Variants in AUTS2 observed in about 807,000 individuals in gnomAD.
The protein encoded by AUTS2 is activator of transcription and developmental regulator AUTS2.
A neutral mutation model predicts 112.4 loss-of-function variants in AUTS2; 17 were observed. The ratio of observed to expected loss-of-function variants is 0.15; its 90% CI spans 0.10 to 0.23. The LOEUF is 0.23. AUTS2 is among the 10% of genes least tolerant of loss of function. The probability of loss-of-function intolerance (pLI) is 1.00; values close to 1 mark genes in which losing one functional copy is unlikely to be tolerated. For synonymous variants in AUTS2, 751 were observed against 702.7 expected, an observed-to-expected ratio of 1.07 and a Z score of -1.09; for missense variants, 1,510 against 1,701.6, an observed-to-expected ratio of 0.89 and a Z score of 1.98.
chr7:69,908,528 G>T (rs1252251170), intron 2 of AUTS2, among the ~76,000 whole-genome samples: 1 of 152,182 alleles, frequency 6.6e-6, no homozygotes, highest in Admixed American at 6.5e-5. Flanking sequence ...CAAGTCCTGT[G>T]GGGGACCACC....
At chr7:70,300,603 T>G (rs1409511256) in intron 4 of AUTS2, among the ~76,000 whole-genome samples, 1 of 152,192 alleles carries the variant, frequency 6.6e-6, no homozygotes, top group Admixed American at 6.5e-5. Context: ...ACACATCTTT[T>G]TGAGAATTTT....
At chr7:70,489,010 G>A (rs1381828922) in intron 5 of AUTS2, among the ~76,000 whole-genome samples, 1 of 152,182 alleles carries the variant, frequency 6.6e-6, no homozygotes, top group East Asian at 1.9e-4. Flanking sequence ...TGACAGTCCT[G>A]TTCAGCAAAA....
chr7:70,435,909 G>A (rs1795875606), intron 5 of AUTS2, 128 bp downstream of exon 5: 1 of 957,830 alleles, frequency 1.0e-6, no homozygotes, highest in Non-Finnish European at 1.6e-6. Flanking sequence ...TAGGAAAGAT[G>A]GGCATTATTC....
chr7:70,240,281 C>T (rs1415682427), intron 4 of AUTS2, among the ~76,000 whole-genome samples: 1 of 152,182 alleles, frequency 6.6e-6, no homozygotes, highest in Non-Finnish European at 1.5e-5. Context: ...TGATGTCAGA[C>T]ACATCTGGTT....
intron 4 of AUTS2, among the ~76,000 whole-genome samples, chr7:70,234,319 T>A (rs1812207438): frequency 6.6e-6 from 1 of 152,196 alleles, no homozygotes; most frequent in Non-Finnish European, 1.5e-5. Flanking sequence ...AGAACTGGCG[T>A]TCATTGATTG....
At chr7:70,743,079 CAT>C (rs1788215639) in intron 6 of AUTS2, among the ~76,000 whole-genome samples, 1 of 152,186 alleles carries the variant, frequency 6.6e-6, no homozygotes, top group African/African-American at 2.4e-5. Context: ...AATCTAAACT[CAT>C]ATTATTTCAG....
chr7:70,781,803 T>C, intron 15 of AUTS2, 47 bp downstream of exon 15: 1 of 1,590,670 alleles, frequency 6.3e-7, no homozygotes, highest in Non-Finnish European at 8.6e-7. Context: ...AATGTAGTTC[T>C]CAGGTAACTA....
intron 15 of AUTS2, 51 bp downstream of exon 15, chr7:70,781,807 G>A: frequency 4.4e-6 from 7 of 1,586,490 alleles, no homozygotes; most frequent in Non-Finnish European, 6.0e-6. Flanking sequence ...TAGTTCTCAG[G>A]TAACTAAATA....
intron 4 of AUTS2, among the ~76,000 whole-genome samples, chr7:70,215,942 G>A (rs1358454978): frequency 6.6e-6 from 1 of 152,146 alleles, no homozygotes; most frequent in Admixed American, 6.5e-5. Context: ...TGTTTTGATT[G>A]TCATCTGCCG....
intron 4 of AUTS2, among the ~76,000 whole-genome samples, chr7:70,389,204 G>A (rs935631895): frequency 2.6e-5 from 4 of 152,100 alleles, no homozygotes; most frequent in Non-Finnish European, 5.9e-5. Flanking sequence ...GTGTGGTCCA[G>A]GTCCTAGATT....
chr7:69,647,629 T>A (rs532783018), intron 1 of AUTS2, among the ~76,000 whole-genome samples: 77 of 152,354 alleles, frequency 5.1e-4, no homozygotes, highest in African/African-American at 1.7e-3. Flanking sequence ...AGTGCTGGGA[T>A]TACAGGCGTG....
chr7:70,287,595 A>T (rs973777714), intron 4 of AUTS2, among the ~76,000 whole-genome samples: 1 of 152,210 alleles, frequency 6.6e-6, no homozygotes, highest in Admixed American at 6.5e-5. Context: ...TATTAGAATT[A>T]AAAATGTCAA....
intron 6 of AUTS2, among the ~76,000 whole-genome samples, chr7:70,738,271 G>T (rs1787885064): frequency 6.6e-6 from 1 of 152,126 alleles, no homozygotes; most frequent in South Asian, 2.1e-4. Flanking sequence ...GCTAGAACCT[G>T]TAACTCCTGA....
chr7:70,777,195 G>A (rs748635299), intron 14 of AUTS2, 21 bp downstream of exon 14: 13 of 1,610,546 alleles, frequency 8.1e-6, no homozygotes, highest in Non-Finnish European at 1.1e-5. Flanking sequence ...CCTTCGTGGT[G>A]TAGGGAAGAA....
chr7:70,745,396 G>A (rs1026099570), intron 6 of AUTS2, among the ~76,000 whole-genome samples: 19 of 152,084 alleles, frequency 1.2e-4, no homozygotes, highest in African/African-American at 4.6e-4. Context: ...TGCTGACTGC[G>A]CAGTTGTTTG....
intron 5 of AUTS2, among the ~76,000 whole-genome samples, chr7:70,630,260 A>G (rs1010228895): frequency 1.3e-5 from 2 of 151,848 alleles, no homozygotes; most frequent in Non-Finnish European, 1.5e-5. Flanking sequence ...CCCGGTCATC[A>G]ATATGCTGAC....
intron 1 of AUTS2, among the ~76,000 whole-genome samples, chr7:69,835,628 C>T (rs994336629): frequency 3.3e-5 from 5 of 152,142 alleles, no homozygotes; most frequent in African/African-American, 4.8e-5. Context: ...AGGCATGTGA[C>T]AAGAGCAAGA....
At chr7:69,837,417 G>A (rs534062092) in intron 1 of AUTS2, among the ~76,000 whole-genome samples, 3 of 152,022 alleles carry the variant, frequency 2.0e-5, no homozygotes, top group African/African-American at 4.8e-5. Flanking sequence ...GAATCTAGAC[G>A]TCTCTCTCCT....
intron 2 of AUTS2, among the ~76,000 whole-genome samples, chr7:70,002,642 C>T (rs533179664): frequency 4.6e-5 from 7 of 152,102 alleles, no homozygotes; most frequent in African/African-American, 9.7e-5. Flanking sequence ...ATGAGACTTA[C>T]GATTTTTAGA....
Sources: allele counts gnomAD v4.1 joint callset (sites outside exome capture counted in the v4.1 genomes callset), GRCh38; gene constraint gnomAD v4.1.1; transcripts MANE v1.5; gene names NCBI Gene and HGNC (gene_info 2026-07-23, HGNC 2026-07-21).